The following GABRG2 variants were observed in gnomAD, a reference collection of about 807,000 sequenced individuals.
GABRG2 encodes gamma-aminobutyric acid type A receptor subunit gamma2.
Under a neutral mutation model 56.4 loss-of-function variants are expected in GABRG2, and 16 were observed. The ratio of observed to expected loss-of-function variants is 0.28; its 90% CI spans 0.19 to 0.43. The LOEUF (loss-of-function observed/expected upper bound fraction) is 0.43. Ranked by LOEUF, GABRG2 falls within the 20% of genes least tolerant of loss-of-function variation. The pLI, the probability that GABRG2 is intolerant of heterozygous loss-of-function variation, is 1.00. For synonymous variants in GABRG2, 208 were observed against 205.5 expected, an observed-to-expected ratio of 1.01 and a Z score of -0.10; for missense variants, 327 against 582.7, an observed-to-expected ratio of 0.56 and a Z score of 4.52.
rs149976983 is a variant in GABRG2, at chr5:162,145,011, T to C, written c.922+2695T>C. 2.1e-3 allele frequency among the ~76,000 whole-genome samples: 318 copies of C among 152,332 alleles called. 3 individuals carry two copies. The highest frequency in any genetic ancestry group is 7.5e-3 in the African/African-American group (313 of 41,566). On this transcript the variant is annotated intron_variant, in intron 7 of 9. Coordinates refer to ENST00000639213, the MANE Select transcript of GABRG2 (RefSeq NM_198904.4). ...GTGATTCAAACGTGCAGTCGCCTTT[T>C]AGAACCCTGCTCTAGACTTCATTGA...
intron 6 of GABRG2, among the ~76,000 whole-genome samples, chr5:162,117,511 T>G (rs986558158): frequency 6.6e-6 from 1 of 152,164 alleles, no homozygotes; most frequent in African/African-American, 2.4e-5. Flanking sequence ...AAGAGTAGTT[T>G]CAAGCAACTT....
Position 162,078,476 on chromosome 5 carries a change from C to T in GABRG2, c.107+10370C>T, listed in dbSNP as rs1407714702. Among the ~76,000 whole-genome samples the T allele has an allele frequency of 1.8e-4, 23 of 129,138 alleles. 1 individual carries two copies. The highest frequency in any genetic ancestry group is 1.5e-3 in the Admixed American group (16 of 10,990). The allele number at this position is 129,138 out of a possible 152,430, so 84.7% of individuals were successfully genotyped here. On this transcript the variant is annotated intron_variant, in intron 1 of 9. Coordinates refer to ENST00000639213, the MANE Select transcript of GABRG2 (RefSeq NM_198904.4). Reference sequence around the variant, plus strand: ...GGCTGGAGTGCAGTGGCTTGATCTCCGCTCACTGCAAGCTGCGCCTCCCAG... The same window carrying T: ...GGCTGGAGTGCAGTGGCTTGATCTCTGCTCACTGCAAGCTGCGCCTCCCAG...
intron 6 of GABRG2, among the ~76,000 whole-genome samples, chr5:162,112,408 C>T (rs886417773): frequency 2.5e-3 from 193 of 78,022 alleles, no homozygotes; most frequent in Non-Finnish European, 2.1e-3. Flanking sequence ...ATTTGAAAGA[C>T]ATTTTTTTTT....
intron 6 of GABRG2, among the ~76,000 whole-genome samples, chr5:162,111,035 G>A (rs1412376197): frequency 2.0e-5 from 3 of 151,920 alleles, no homozygotes; most frequent in Admixed American, 1.3e-4. Context: ...TAAAGTCCTC[G>A]TCCTCAGTAT....
chr5:162,134,614 C>G (rs940073558), intron 6 of GABRG2, among the ~76,000 whole-genome samples: 1 of 152,102 alleles, frequency 6.6e-6, no homozygotes, highest in Non-Finnish European at 1.5e-5. Context: ...AATTTTGAAC[C>G]CAGTTAATCT....
At chr5:162,132,346 G>T (rs1332536459) in intron 6 of GABRG2, among the ~76,000 whole-genome samples, 2 of 151,914 alleles carry the variant, frequency 1.3e-5, no homozygotes, top group African/African-American at 2.4e-5. Context: ...CTGTTTTTCA[G>T]GACAGACCTG....
At chr5:162,084,556 AGTATAAGG>A (rs1759910781) in intron 1 of GABRG2, among the ~76,000 whole-genome samples, 1 of 151,826 alleles carries the variant, frequency 6.6e-6, no homozygotes, top group Admixed American at 6.6e-5. Flanking sequence ...CAATTAAATC[AGTATAAGG>A]TAGGATTTCA....
chr5:162,114,729 G>T (rs169792), intron 6 of GABRG2, among the ~76,000 whole-genome samples: 90,056 of 151,950 alleles, frequency 0.59, 26,961 homozygotes, highest in African/African-American at 0.66. Flanking sequence ...CTGCAACTGG[G>T]CTTATGTATC....
At chr5:162,072,992 A>G (rs1367818891) in intron 1 of GABRG2, among the ~76,000 whole-genome samples, 2 of 151,942 alleles carry the variant, frequency 1.3e-5, no homozygotes, top group African/African-American at 2.4e-5. Context: ...CAATCCATCA[A>G]TAGTGTTCCT....
chr5:162,152,858 T>A (rs1765472077), intron 9 of GABRG2: 2 of 603,582 alleles, frequency 3.3e-6, no homozygotes, highest in Non-Finnish European at 5.9e-6. Flanking sequence ...CTCCTTGCTA[T>A]AGCTATTAGC....
At chr5:162,115,449 G>T (rs374207703) in intron 6 of GABRG2, among the ~76,000 whole-genome samples, 2 of 152,042 alleles carry the variant, frequency 1.3e-5, no homozygotes, top group South Asian at 4.1e-4. Context: ...TGTCTGTCCC[G>T]TGTGGAGATC....
intron 1 of GABRG2, among the ~76,000 whole-genome samples, chr5:162,075,954 A>T (rs1759067767): frequency 1.3e-5 from 2 of 151,508 alleles, no homozygotes; most frequent in Non-Finnish European, 2.9e-5. Flanking sequence ...GGCATTCCAA[A>T]CTGGCCTGGG....
At chr5:162,102,099 G>A (rs1026314961) in intron 5 of GABRG2, 1 of 160,016 alleles carries the variant, frequency 6.2e-6, no homozygotes, top group African/African-American at 2.4e-5. Context: ...AGTCCACCAA[G>A]TCATAGTAAT....
chr5:162,101,399 T>C, intron 5 of GABRG2, 82 bp downstream of exon 5: 1 of 980,890 alleles, frequency 1.0e-6, no homozygotes, highest in South Asian at 1.3e-5. Context: ...GAAAGAAGCA[T>C]AACAAATTTC....
chr5:162,068,983 C>T (rs1339191748), intron 1 of GABRG2, among the ~76,000 whole-genome samples: 1 of 152,022 alleles, frequency 6.6e-6, no homozygotes, highest in Non-Finnish European at 1.5e-5. Context: ...GAATGTGATG[C>T]CATAATCGTG....
At chr5:162,142,073 G>A (rs1236080572) in intron 6 of GABRG2, 91 bp from the exon 7 acceptor site, 4 of 1,423,568 alleles carry the variant, frequency 2.8e-6, no homozygotes, top group Non-Finnish European at 4.0e-6. Flanking sequence ...TAATTTAAAT[G>A]TGTGTGCATA....
In GABRG2 at chr5:162,147,306, TTTCC is replaced by T. The variant is rs539250270; in HGVS notation, c.923-1783_923-1780del. On this transcript the variant is annotated intron_variant, in intron 7 of 9. Coordinates refer to ENST00000639213, the MANE Select transcript of GABRG2 (RefSeq NM_198904.4). ...TTTCTTTCTCCTTTCTTTCTTTCTTTTTCCTTCCTTCCTTCCTTCCTTTCCTTCC... is the reference window on the plus strand; with the variant it reads ...TTTCTTTCTCCTTTCTTTCTTTCTTTTTCCTTCCTTCCTTCCTTTCCTTCC... 5.8e-3 allele frequency among the ~76,000 whole-genome samples: 876 copies of T among 151,530 alleles called. 7 individuals are homozygous for T. Among genetic ancestry groups the T allele is most frequent in the African/African-American group, 0.019 (783 of 41,236 alleles).
At chr5:162,135,735 GAT>G (rs1446927625) in intron 6 of GABRG2, among the ~76,000 whole-genome samples, 1 of 152,118 alleles carries the variant, frequency 6.6e-6, no homozygotes, top group Non-Finnish European at 1.5e-5. Context: ...AGAAAGATGG[GAT>G]ATTAGAGTTG....
At chr5:162,125,903 T>C (rs1763311590) in intron 6 of GABRG2, among the ~76,000 whole-genome samples, 1 of 151,830 alleles carries the variant, frequency 6.6e-6, no homozygotes, top group Non-Finnish European at 1.5e-5. Context: ...TGGAAACAAA[T>C]AAGAGATGTT....
Sources: allele counts gnomAD v4.1 joint callset (sites outside exome capture counted in the v4.1 genomes callset), GRCh38; gene constraint gnomAD v4.1.1; transcripts MANE v1.5; gene names NCBI Gene and HGNC (gene_info 2026-07-23, HGNC 2026-07-21).